Variants in PLCH2 observed in about 807,000 individuals in gnomAD.
PLCH2 encodes the protein 1-phosphatidylinositol 4,5-bisphosphate phosphodiesterase eta-2.
Under a neutral mutation model 134.7 loss-of-function variants are expected in PLCH2, and 98 were observed. The ratio of observed to expected loss-of-function variants is 0.73; its 90% CI spans 0.62 to 0.86. PLCH2 has a LOEUF of 0.86. Among genes scored for constraint, PLCH2 ranks in the 40% least tolerant of loss-of-function variants. The probability of loss-of-function intolerance (pLI) is 0.00; values close to 1 mark genes in which losing one functional copy is unlikely to be tolerated. For synonymous variants in PLCH2, 974 were observed against 827.5 expected, an observed-to-expected ratio of 1.18 and a Z score of -3.04; for missense variants, 1,994 against 1,986.6, an observed-to-expected ratio of 1.00 and a Z score of -0.07.
chr1:2,481,304 C>T (rs548693491), intron 4 of PLCH2, among the ~76,000 whole-genome samples: 4 of 152,294 alleles, frequency 2.6e-5, no homozygotes, highest in East Asian at 1.9e-4. Context: ...GGGGACTGCC[C>T]GGGGCTTGTG....
chr1:2,468,004 G>GGC (rs1354657242), intron 1 of PLCH2, among the ~76,000 whole-genome samples: 4 of 152,226 alleles, frequency 2.6e-5, no homozygotes, highest in Admixed American at 2.6e-4. Flanking sequence ...CGGTGGGGGA[G>GGC]GCGCCCTCAG....
rs1640054981 is a variant in PLCH2, at chr1:2,448,665, G to A, written c.115+18036G>A. Among the ~76,000 whole-genome samples, 1 of 151,822 alleles carries A rather than the reference G, an allele frequency of 6.6e-6. No individual in the cohort carries two copies. Among genetic ancestry groups the A allele is most frequent in the African/African-American group, 2.4e-5 (1 of 41,330 alleles). On this transcript the variant is annotated intron_variant, in intron 2 of 3. Coordinates refer to the PLCH2 transcript ENST00000609981. The surrounding 1 kb of genome is among the most constrained non-coding windows in gnomAD (Gnocchi z 4.0). Reference sequence around the variant, plus strand: ...ACCCCAGCACCCCCGCCCGAGGCAGGCCCTGGAGCTCACGCTGCTGAGGTC... The same window carrying A: ...ACCCCAGCACCCCCGCCCGAGGCAGACCCTGGAGCTCACGCTGCTGAGGTC...
rs542591814 is a variant in PLCH2 at position 2,459,571 on chromosome 1, G to T, written c.116-18905G>T. Among the ~76,000 whole-genome samples, 8 of 141,550 alleles carry T rather than the reference G, an allele frequency of 5.7e-5. 1 individual carries two copies. Among genetic ancestry groups the T allele is most frequent in the Admixed American group, 2.8e-4 (4 of 14,158 alleles). The allele number at this position is 141,550 out of a possible 152,430, so 92.9% of individuals were successfully genotyped here. A position where few individuals can be genotyped will look rare whatever the true frequency, so the allele number is the denominator to read the frequency against. On this transcript the variant is annotated intron_variant, in intron 2 of 3. Transcript: ENST00000609981. The stretch of plus-strand genomic sequence containing the variant: ...CTCCTTCCTGGTGGTCCTCCTTGCC[G>T]GTGGTCCTCCTTGCCGGTGGTCTTC...
intron 2 of PLCH2, among the ~76,000 whole-genome samples, chr1:2,446,894 C>CGT (rs1355058503): frequency 2.1e-4 from 32 of 152,222 alleles, no homozygotes; most frequent in Non-Finnish European, 1.0e-4. Context: ...CCTGCAGCCC[C>CGT]GTGTGTGTGT....
upstream of PLCH2, among the ~76,000 whole-genome samples, chr1:2,422,388 C>T (rs1383316844): frequency 1.3e-5 from 2 of 152,220 alleles, no homozygotes; most frequent in Non-Finnish European, 2.9e-5. Context: ...AGGGACGTGG[C>T]TTTGCAGTTT....
chr1:2,415,993 G>T, the PLCH2 span, among the ~76,000 whole-genome samples: 47 of 152,370 alleles, frequency 3.1e-4, no homozygotes, highest in Admixed American at 3.0e-3. Context: ...AGGAGAGGGA[G>T]CTCGGGGTGC....
chr1:2,489,708 G>A, intron 9 of PLCH2, 52 bp from the exon 10 acceptor site: 1 of 1,425,352 alleles, frequency 7.0e-7, no homozygotes, highest in African/African-American at 1.4e-5. Flanking sequence ...CCAGGTACTG[G>A]CTTCCCAGCA....
In PLCH2 at chr1:2,484,719, G is replaced by A. The variant is rs184402547; in HGVS notation, c.816+101G>A. 1.0e-4 allele frequency: 136 copies of A among 1,312,958 alleles called. 1 individual carries two copies. In the African/African-American group the frequency reaches 1.6e-3, roughly 15 times the overall value. 81.3% of individuals were successfully genotyped at this position (1,312,958 alleles called of 1,614,324 possible). The stretch of plus-strand genomic sequence containing the variant: ...AGGGGACAGTGGTGATGGGGGAGCT[G>A]TCTGAAGCTATCCCAGGCCAGGGAT... On this transcript the variant is annotated intron_variant, in intron 5 of 21. Coordinates refer to ENST00000378486, the MANE Select transcript of PLCH2 (RefSeq NM_014638.4).
At position 2,498,729 on chromosome 1, in the gene PLCH2, A is replaced by G. The variant is rs1558030705; in HGVS notation, c.2350-15A>G. ...CGCGATGGGCCCTGATGCCACCCCC[A>G]CTCCTGTGTCCCAGATCATCGACCC... On this transcript the variant is annotated splice_polypyrimidine_tract_variant and intron_variant, in intron 17 of 21. Coordinates refer to ENST00000378486, the MANE Select transcript of PLCH2 (RefSeq NM_014638.4). This position sits in a 1 kb window ranked among gnomAD's most constrained non-coding sequence, Gnocchi z 5.4. The G allele has an allele frequency of 6.2e-7, 1 of 1,601,038 alleles. No homozygotes were observed. The highest frequency in any genetic ancestry group is 2.3e-5 in the East Asian group (1 of 44,396).
intron 1 of PLCH2, among the ~76,000 whole-genome samples, chr1:2,427,727 G>A (rs1382098571): frequency 1.3e-5 from 2 of 152,292 alleles, no homozygotes; most frequent in Admixed American, 6.5e-5. Flanking sequence ...AAGGGACACA[G>A]CGTGAGGGGC....
chr1:2,503,453 T>C (rs1296973777), intron 21 of PLCH2: 3 of 602,060 alleles, frequency 5.0e-6, no homozygotes, highest in African/African-American at 1.9e-5. Flanking sequence ...GTAGATTCCC[T>C]GGGCCCCAGG....
chr1:2,460,185 C>A (rs1158201460), intron 2 of PLCH2, among the ~76,000 whole-genome samples: 2 of 152,256 alleles, frequency 1.3e-5, no homozygotes, highest in Non-Finnish European at 2.9e-5. Context: ...AGGGGCCCTG[C>A]TGTCCAGGAA....
intron 2 of PLCH2, chr1:2,479,286 C>A (rs1641817056): frequency 5.9e-6 from 1 of 170,526 alleles, no homozygotes; most frequent in South Asian, 1.5e-4. Flanking sequence ...GCGGAGCCCC[C>A]AGGGGGACCT....
intron 2 of PLCH2, among the ~76,000 whole-genome samples, chr1:2,446,763 T>C (rs912635314): frequency 1.3e-4 from 19 of 151,982 alleles, no homozygotes; most frequent in Admixed American, 1.1e-3. Flanking sequence ...GGGTTGGGGC[T>C]GGCAGAGGGG....
chr1:2,503,006 C>T (rs767763198), intron 21 of PLCH2: 5 of 713,858 alleles, frequency 7.0e-6, no homozygotes, highest in South Asian at 3.0e-5. Flanking sequence ...GGTGTCGCCT[C>T]GTGTGCTCGT....
the PLCH2 span, among the ~76,000 whole-genome samples, chr1:2,418,322 G>C: frequency 6.6e-6 from 1 of 152,232 alleles, no homozygotes; most frequent in Non-Finnish European, 1.5e-5. Flanking sequence ...AGAGAGACAG[G>C]AGTGGGGGTG....
At chr1:2,452,072 C>T (rs1640262356) in intron 2 of PLCH2, among the ~76,000 whole-genome samples, 4 of 152,172 alleles carry the variant, frequency 2.6e-5, no homozygotes, top group Admixed American at 2.6e-4. Context: ...CGGGAAGGCG[C>T]CCCCTCCCTC....
chr1:2,484,713 G>C, intron 5 of PLCH2, 95 bp downstream of exon 5: 1 of 1,366,992 alleles, frequency 7.3e-7, no homozygotes, highest in Non-Finnish European at 1.0e-6. Context: ...TGGTGATGGG[G>C]GAGCTGTCTG....
Position 2,504,411 on chromosome 1 carries a change from C to T in PLCH2, c.3449C>T (p.Ser1150Leu), listed in dbSNP as rs1165659454. Residue 1150 changes from serine to leucine, a missense_variant, in exon 22 of 22, where the codon TCA (serine) becomes TTA (leucine). Coordinates refer to ENST00000378486, the MANE Select transcript of PLCH2 (RefSeq NM_014638.4). ...RDSVSSSSSM[S>L]SSDTVIDLSL... ...AGCGTTTCCTCCTCCTCCAGCATGT[C>T]ATCCAGCGACACTGTCATTGACCTC... 6.2e-7 allele frequency: 1 copy of T among 1,612,628 alleles called. No homozygotes were observed. The highest frequency in any genetic ancestry group is 1.1e-5 in the South Asian group (1 of 91,088).
Sources: gnomAD v4.1 joint callset for allele counts (sites outside exome capture counted in the v4.1 genomes callset) on GRCh38, gnomAD v4.1.1 for gene constraint, Gnocchi (gnomAD v3.1) non-coding constraint, MANE v1.5 for transcripts, NCBI Gene and HGNC (gene_info 2026-07-23, HGNC 2026-07-21) for gene names.